TRPM6: variants seen among roughly 807,000 people sequenced by gnomAD.
TRPM6 encodes the protein transient receptor potential cation channel subfamily M member 6, also known as channel kinase 2.
A neutral mutation model predicts 247.6 loss-of-function variants in TRPM6; 111 were observed. The ratio of observed to expected loss-of-function variants is 0.45; its 90% CI spans 0.38 to 0.52. The LOEUF is 0.52. TRPM6 is among the 20% of genes least tolerant of loss of function. The pLI is 0.00. For synonymous variants in TRPM6, 892 were observed against 853.8 expected, an observed-to-expected ratio of 1.04 and a Z score of -0.78; for missense variants, 2,126 against 2,421.5, an observed-to-expected ratio of 0.88 and a Z score of 2.56.
chr9:74,778,510 A>G (rs1827305084), intron 23 of TRPM6, among the ~76,000 whole-genome samples: 1 of 152,212 alleles, frequency 6.6e-6, no homozygotes, highest in South Asian at 2.1e-4. Context: ...AGAGTTCTCA[A>G]AGCAATGTTC....
In TRPM6 at chr9:74,762,559, T is replaced by A; in HGVS notation, c.4112A>T (p.Asp1371Val). ...GATGTCCTGTTCAGTTGCCAGCACATCTGGCACAGAGGGTCTGGACAGAGG... is the reference window on the plus strand; with the variant it reads ...GATGTCCTGTTCAGTTGCCAGCACAACTGGCACAGAGGGTCTGGACAGAGG... ...VLPLSRPSVP[D>V]VLATEQDIQT... The change falls in exon 26 of 39, where the codon GAT becomes GTT. Residue 1371 changes from aspartate to valine, a missense_variant. Around this residue, in one of 3 missense-constraint regions of TRPM6, gnomAD observed 717 missense variants for 715.9 expected, o/e 1.00. Coordinates refer to ENST00000360774, the MANE Select transcript of TRPM6 (RefSeq NM_017662.5). 2 of 1,614,142 alleles carry A rather than the reference T, an allele frequency of 1.2e-6. No homozygotes were observed. Among genetic ancestry groups the A allele is most frequent in the Non-Finnish European group, 1.7e-6 (2 of 1,180,020 alleles).
chr9:74,869,816 G>A (rs1270207392), intron 1 of TRPM6, among the ~76,000 whole-genome samples: 1 of 151,132 alleles, frequency 6.6e-6, no homozygotes, highest in African/African-American at 2.4e-5. Context: ...GGGGAGGGAA[G>A]GAAGGAAGGA....
intron 27 of TRPM6, among the ~76,000 whole-genome samples, chr9:74,757,532 C>G (rs1826468895): frequency 6.8e-6 from 1 of 146,716 alleles, no homozygotes; most frequent in East Asian, 2.0e-4. Flanking sequence ...CACCACTGCA[C>G]TCCAGCCTGG....
In TRPM6 at chr9:74,810,850, T is replaced by TAAA; in HGVS notation, c.1461_1462insTTT (p.Asn487_Thr488insPhe). On this transcript the variant is annotated inframe_insertion, in exon 13 of 39. Transcript: ENST00000360774. Reference sequence around the variant, plus strand: ...TCTTGGACGAGATGATGCAAGAGTGTATTAGTAGGTCCTTGTTTCTGAAAT... The same window carrying TAAA: ...TCTTGGACGAGATGATGCAAGAGTGTAAAATTAGTAGGTCCTTGTTTCTGAAAT... 1 of 1,613,750 alleles carries TAAA rather than the reference T, an allele frequency of 6.2e-7. No individual in the cohort carries two copies. Among genetic ancestry groups the TAAA allele is most frequent in the Non-Finnish European group, 8.5e-7 (1 of 1,179,748 alleles).
At chr9:74,820,217 T>C (rs1564029720) in intron 9 of TRPM6, 87 bp downstream of exon 9, 1 of 1,382,560 alleles carries the variant, frequency 7.2e-7, no homozygotes, top group Non-Finnish European at 1.0e-6. Flanking sequence ...GTCCACCATG[T>C]TTTTTTTTAA....
chr9:74,735,515 T>C (rs1825667464), intron 36 of TRPM6, among the ~76,000 whole-genome samples: 1 of 152,060 alleles, frequency 6.6e-6, no homozygotes, highest in Non-Finnish European at 1.5e-5. Flanking sequence ...GATGATGATG[T>C]CGATGCCAAT....
chr9:74,871,833 C>A (rs1185720169), intron 1 of TRPM6, among the ~76,000 whole-genome samples: 1 of 151,762 alleles, frequency 6.6e-6, no homozygotes, highest in African/African-American at 2.4e-5. Context: ...GCATGTGCGA[C>A]CATACCCAAC....
At chr9:74,804,147 C>T (rs1313263761) in intron 14 of TRPM6, among the ~76,000 whole-genome samples, 3 of 152,148 alleles carry the variant, frequency 2.0e-5, no homozygotes, top group Non-Finnish European at 4.4e-5. Flanking sequence ...CTTTTGTTCC[C>T]TATTATATAT....
chr9:74,853,099 C>T (rs974797076), intron 3 of TRPM6, among the ~76,000 whole-genome samples: 9 of 149,788 alleles, frequency 6.0e-5, no homozygotes, highest in Admixed American at 4.0e-4. Context: ...TCTGCCCGGC[C>T]GCGACCCCGT....
At chr9:74,740,294 T>C (rs1238984195) in intron 33 of TRPM6, among the ~76,000 whole-genome samples, 1 of 152,192 alleles carries the variant, frequency 6.6e-6, no homozygotes, top group East Asian at 1.9e-4. Context: ...AACAAAGTGG[T>C]AAGGATATGC....
At chr9:74,817,102 G>T (rs1366815607) in intron 9 of TRPM6, 138 bp from the exon 10 acceptor site, 1 of 857,596 alleles carries the variant, frequency 1.2e-6, no homozygotes, top group East Asian at 2.5e-5. Context: ...TTACTTACAG[G>T]AGAGAAAACT....
chr9:74,851,510 G>C (rs947497061), intron 3 of TRPM6, among the ~76,000 whole-genome samples: 1 of 151,990 alleles, frequency 6.6e-6, no homozygotes, highest in Non-Finnish European at 1.5e-5. Context: ...CACTTTGGGA[G>C]GCTGAGGACG....
At chr9:74,824,103 A>C (rs77808786) in intron 7 of TRPM6, among the ~76,000 whole-genome samples, 2 of 151,974 alleles carry the variant, frequency 1.3e-5, no homozygotes, top group Non-Finnish European at 2.9e-5. Context: ...AGAAAAAAAA[A>C]TTAATATGGG....
intron 36 of TRPM6, among the ~76,000 whole-genome samples, chr9:74,734,978 C>T (rs112104982): frequency 3.7e-3 from 562 of 152,180 alleles, no homozygotes; most frequent in African/African-American, 0.013. Flanking sequence ...TTTGGGAGGC[C>T]GAGGTAGGCG....
intron 9 of TRPM6, among the ~76,000 whole-genome samples, chr9:74,817,740 A>AGGG (rs11297751): frequency 6.6e-6 from 1 of 151,380 alleles, no homozygotes; most frequent in African/African-American, 2.4e-5. Context: ...CTTCAAAAAA[A>AGGG]GGGGGGGGGA....
chr9:74,769,041 T>A (rs1826923430), intron 25 of TRPM6, among the ~76,000 whole-genome samples: 1 of 152,220 alleles, frequency 6.6e-6, no homozygotes, highest in Non-Finnish European at 1.5e-5. Flanking sequence ...TAATAATAGA[T>A]AACTTTCATT....
chr9:74,867,064 G>A (rs868657766), intron 1 of TRPM6, among the ~76,000 whole-genome samples: 115 of 152,186 alleles, frequency 7.6e-4, no homozygotes, highest in Middle Eastern at 3.4e-3. Context: ...GGCTAAAGAT[G>A]GCTAAATTCT....
chr9:74,759,066 A>G (rs1032609996), intron 27 of TRPM6, among the ~76,000 whole-genome samples: 6 of 152,160 alleles, frequency 3.9e-5, no homozygotes, highest in African/African-American at 1.4e-4. Context: ...AAATATGTGC[A>G]AGATCAGTAG....
At position 74,740,028 on chromosome 9, in the gene TRPM6, G is replaced by T. The variant is rs7872289; in HGVS notation, c.5201-19C>A. 3.3e-3 allele frequency: 5,273 copies of T among 1,612,542 alleles called. 145 individuals carry two copies. The African/African-American group carries it at 0.063, about 19-fold the overall frequency. ...TCTCCTGCTGCAAAGAGAAGTGAAGGCTAGGAATTCAATAAGATTGCCATG... is the reference window on the plus strand; with the variant it reads ...TCTCCTGCTGCAAAGAGAAGTGAAGTCTAGGAATTCAATAAGATTGCCATG... On this transcript the variant is annotated intron_variant, in intron 33 of 38. Transcript: ENST00000360774.
Sources: gnomAD v4.1 joint callset for allele counts (sites outside exome capture counted in the v4.1 genomes callset) on GRCh38, gnomAD v4.1.1 for gene constraint, gnomAD v4.1.1 regional missense constraint, MANE v1.5 for transcripts, NCBI Gene and HGNC (gene_info 2026-07-23, HGNC 2026-07-21) for gene names.